Variants in FRYL observed in about 807,000 individuals in gnomAD.
The protein encoded by FRYL is FRY like transcription coactivator.
A neutral mutation model predicts 351.2 loss-of-function variants in FRYL; 150 were observed. That is an observed-to-expected ratio of 0.43 (90% CI 0.37 to 0.49). The LOEUF (loss-of-function observed/expected upper bound fraction) is 0.49, where lower values mean the gene tolerates loss of function less well. Ranked by LOEUF, FRYL falls within the 20% of genes least tolerant of loss-of-function variation. The probability of loss-of-function intolerance (pLI) is 0.00; values close to 1 mark genes in which losing one functional copy is unlikely to be tolerated. For missense variants in FRYL, 3,036 were observed against 3,619.3 expected, an observed-to-expected ratio of 0.84 and a Z score of 4.13; for synonymous variants, 1,153 against 1,257.1, an observed-to-expected ratio of 0.92 and a Z score of 1.75.
At chr4:48,636,655 A>G (rs1754285059) in intron 3 of FRYL, among the ~76,000 whole-genome samples, 1 of 152,014 alleles carries the variant, frequency 6.6e-6, no homozygotes, top group Non-Finnish European at 1.5e-5. Context: ...TATAAAGCCA[A>G]AAGTTTTAGG....
Position 48,512,594 on chromosome 4 carries a change from C to T in FRYL, c.8032G>A (p.Val2678Met), listed in dbSNP as rs201334429. 2.2e-5 allele frequency: 35 copies of T among 1,613,976 alleles called. No homozygotes were observed. Among genetic ancestry groups the T allele is most frequent in the South Asian group, 6.6e-5 (6 of 91,084 alleles). ...GCTTCCTCTTCATCATCATATGCCA[C>T]GGGCTGAAAGGCGGCTATGATGGCA... Reference protein sequence around the residue: ...LSAIIAAFQPVAYDDEEEAWR... With the variant: ...LSAIIAAFQPMAYDDEEEAWR... Residue 2678 changes from valine (V) to methionine (M), a missense_variant, in exon 57 of 64, where the codon GTG (valine) becomes ATG (methionine). By Grantham distance (21) the Val-to-Met change is conservative (BLOSUM62 1). This residue lies in a region of FRYL where 1,987 missense variants were observed against 2,311.7 expected (regional missense o/e 0.86). Transcript: ENST00000358350.
At chr4:48,571,346 T>C (rs1247538317) in intron 26 of FRYL, among the ~76,000 whole-genome samples, 10 of 152,160 alleles carry the variant, frequency 6.6e-5, no homozygotes, top group Admixed American at 4.6e-4. Flanking sequence ...CACAACAATT[T>C]TGGCACAAAA....
chr4:48,643,572 C>T (rs954567046), intron 3 of FRYL, among the ~76,000 whole-genome samples: 5 of 152,112 alleles, frequency 3.3e-5, no homozygotes, highest in East Asian at 1.9e-4. Context: ...CGATTAAAAA[C>T]AGAAACTGAA....
At position 48,715,250 on chromosome 4, in the gene FRYL, A is replaced by C. The variant is rs1194307066; in HGVS notation, c.-383-4552T>G. On this transcript the variant is annotated intron_variant, in intron 1 of 63. Transcript: ENST00000358350. ...CCCTCTCTCACCACTCCTATTCAAC[A>C]TAGTGTTGGAAGTTCTGGCCAGGGC... Among the ~76,000 whole-genome samples, 495 of 151,658 alleles carry C rather than the reference A, an allele frequency of 3.3e-3. 3 individuals are homozygous for C. The highest frequency in any genetic ancestry group is 0.011 in the African/African-American group (467 of 41,406).
intron 3 of FRYL, chr4:48,653,951 T>G: frequency 8.3e-7 from 1 of 1,197,848 alleles, no homozygotes; most frequent in Non-Finnish European, 1.1e-6. Context: ...TACCATGCAG[T>G]CTTGCAGTGA....
rs1768905612 is a variant in FRYL, at chr4:48,716,926, G to A, written c.-383-6228C>T. On this transcript the variant is annotated intron_variant, in intron 1 of 63. Transcript: ENST00000358350. The stretch of plus-strand genomic sequence containing the variant: ...AGAAAATGTGGCACATATACACCAT[G>A]GAATACTATGCAGCCATAAAAAAGG... Among the ~76,000 whole-genome samples the A allele has an allele frequency of 2.6e-5, 4 of 151,056 alleles. No homozygotes were observed. In the Admixed American group the frequency reaches 2.7e-4, roughly 10 times the overall value.
At chr4:48,682,761 G>A (rs188683402) in intron 3 of FRYL, among the ~76,000 whole-genome samples, 9 of 152,238 alleles carry the variant, frequency 5.9e-5, no homozygotes, top group Admixed American at 4.6e-4. Flanking sequence ...TAAAAAGTCA[G>A]GAAACAACAG....
chr4:48,745,806 A>G (rs2149656535), intron 1 of FRYL, among the ~76,000 whole-genome samples: 1 of 152,326 alleles, frequency 6.6e-6, no homozygotes, highest in Admixed American at 6.5e-5. Context: ...GAAAGACTTA[A>G]GAGAGGACAA....
At chr4:48,723,765 T>C (rs1769754852) in intron 1 of FRYL, among the ~76,000 whole-genome samples, 1 of 151,902 alleles carries the variant, frequency 6.6e-6, no homozygotes, top group African/African-American at 2.4e-5. Flanking sequence ...TCATTTCTCA[T>C]TTCTCCACAT....
At chr4:48,658,992 A>G (rs1247475109) in intron 3 of FRYL, among the ~76,000 whole-genome samples, 1 of 152,170 alleles carries the variant, frequency 6.6e-6, no homozygotes, top group Non-Finnish European at 1.5e-5. Context: ...CTATTTACTT[A>G]CGCCTTCCTA....
chr4:48,534,693 T>C lies in FRYL; in HGVS notation c.6565-8A>G. On this transcript the variant is annotated splice_region_variant and splice_polypyrimidine_tract_variant and intron_variant, in intron 48 of 63. Transcript: ENST00000358350. ...CAATCCTTTCTCTAACAGCTAAAAA[T>C]AATGTTAAAAGTAATATTAAAGTAT... The C allele has an allele frequency of 1.3e-6, 2 of 1,491,058 alleles. No individual in the cohort carries two copies. The highest frequency in any genetic ancestry group is 9.2e-7 in the Non-Finnish European group (1 of 1,084,906). 92.4% of individuals were successfully genotyped at this position (1,491,058 alleles called of 1,614,324 possible). A position where few individuals can be genotyped will look rare whatever the true frequency, so the allele number is the denominator to read the frequency against.
chr4:48,742,973 A>ATTTTTGTTTTTTTTTT (rs1772268374), intron 1 of FRYL, among the ~76,000 whole-genome samples: 1 of 81,746 alleles, frequency 1.2e-5, no homozygotes. Context: ...CGCCTGGATA[A>ATTTTTGTTTTTTTTTT]TTTTTTTTTT....
intron 1 of FRYL, among the ~76,000 whole-genome samples, chr4:48,764,375 C>G (rs1323107549): frequency 1.3e-5 from 2 of 148,990 alleles, no homozygotes; most frequent in Admixed American, 6.7e-5. Context: ...ACAAAAAAAT[C>G]AAAAGGTTAG....
rs879535397 is a variant in FRYL, at chr4:48,780,141, C to G, written c.-447G>C. The G allele has an allele frequency of 1.3e-5, 2 of 155,034 alleles. No individual in the cohort carries two copies. The highest frequency in any genetic ancestry group is 2.4e-5 in the African/African-American group (1 of 41,496). 9.6% of individuals were successfully genotyped at this position (155,034 alleles called of 1,614,324 possible). On this transcript the variant is annotated 5_prime_UTR_variant, in exon 1 of 64. Coordinates refer to ENST00000358350, the MANE Select transcript of FRYL (RefSeq NM_015030.2). ...CGCCGCCGGTCCCCGCCCTCGGGCC[C>G]CTGGCTCCGTTCTCTTGACAATGGC...
intron 59 of FRYL, among the ~76,000 whole-genome samples, 196 bp downstream of exon 59, chr4:48,509,860 GTGC>G (rs1190463239): frequency 1.3e-5 from 2 of 152,174 alleles, no homozygotes; most frequent in African/African-American, 4.8e-5. Context: ...GTTTTCCATT[GTGC>G]TGTTAGAGGA....
At chr4:48,506,617 TATATATATATATATA>T (rs1198007995) in intron 59 of FRYL, 19 of 2,152 alleles carry the variant, frequency 8.8e-3, no homozygotes, top group Non-Finnish European at 0.014. Flanking sequence ...ATACAACTAA[TATATATATATATATA>T]TATATATATA....
chr4:48,662,935 A>G (rs1013286606), intron 3 of FRYL, among the ~76,000 whole-genome samples: 24 of 152,174 alleles, frequency 1.6e-4, no homozygotes, highest in African/African-American at 3.9e-4. Context: ...AAGCTAAAAG[A>G]CTTTGTCACC....
chr4:48,580,929 T>C lies in FRYL; in HGVS notation c.2195A>G (p.Asp732Gly), dbSNP rs1409051716. Residue 732 changes from aspartate (D) to glycine (G), a missense_variant, in exon 22 of 64, where the codon GAT becomes GGT. Transcript: ENST00000358350. Reference sequence around the variant, plus strand: ...GGATGGGCTTAGCCTGTCCATCACATCTATGGCTAATTCATCATCACCCTG... The same window carrying C: ...GGATGGGCTTAGCCTGTCCATCACACCTATGGCTAATTCATCATCACCCTG... ...IPKGDDELAI[D>G]VMDRLSPSIL... 4.4e-6 allele frequency: 7 copies of C among 1,600,370 alleles called. No individual in the cohort carries two copies. Among genetic ancestry groups the C allele is most frequent in the Non-Finnish European group, 6.0e-6 (7 of 1,175,892 alleles).
chr4:48,596,266 T>C (rs1345351142), intron 13 of FRYL, among the ~76,000 whole-genome samples: 4 of 152,172 alleles, frequency 2.6e-5, no homozygotes, highest in African/African-American at 9.6e-5. Flanking sequence ...CTAGTATTTC[T>C]AAGAATTCTA....
Sources: allele counts gnomAD v4.1 joint callset (sites outside exome capture counted in the v4.1 genomes callset), GRCh38; gene constraint gnomAD v4.1.1; regional missense constraint gnomAD v4.1.1; transcripts MANE v1.5; gene names NCBI Gene and HGNC (gene_info 2026-07-23, HGNC 2026-07-21).